Variants in PPP5C observed in about 807,000 individuals in gnomAD.
The protein encoded by PPP5C is protein phosphatase 5 catalytic subunit.
PPP5C carries 21 observed loss-of-function variants against 66.7 expected under a neutral mutation model. The observed-to-expected ratio is 0.31, with a 90% confidence interval of 0.22 to 0.45. The LOEUF (loss-of-function observed/expected upper bound fraction) is 0.45, where lower values mean the gene tolerates loss of function less well. Among genes scored for constraint, PPP5C ranks in the 20% least tolerant of loss-of-function variants. The probability of loss-of-function intolerance (pLI) is 1.00; values close to 1 mark genes in which losing one functional copy is unlikely to be tolerated. For missense variants in PPP5C, 464 were observed against 675.9 expected, an observed-to-expected ratio of 0.69 and a Z score of 3.48; for synonymous variants, 246 against 257.4, an observed-to-expected ratio of 0.96 and a Z score of 0.43.
Position 46,390,652 on chromosome 19 carries a change from C to A in PPP5C, c.*306C>A. ...GGGGCCGAGTGGCTGCCCTGCCCCC[C>A]TCATTTGCATGGCTCCTCCCCCACT... On this transcript the variant is annotated 3_prime_UTR_variant, in exon 13 of 13. Coordinates refer to ENST00000012443, the MANE Select transcript of PPP5C (RefSeq NM_006247.4). 7.8e-7 allele frequency: 1 copy of A among 1,274,720 alleles called. No homozygotes were observed. Among genetic ancestry groups the A allele is most frequent in the East Asian group, 3.7e-5 (1 of 26,992 alleles). 79.0% of individuals were successfully genotyped at this position (1,274,720 alleles called of 1,614,324 possible).
At chr19:46,384,005 C>T in intron 6 of PPP5C, 127 bp downstream of exon 6, 1 of 800,842 alleles carries the variant, frequency 1.2e-6, no homozygotes, top group South Asian at 1.6e-5. Context: ...CCTGGCCATG[C>T]TGGGGCACCA....
At chr19:46,374,645 G>A (rs16980476) in intron 2 of PPP5C, among the ~76,000 whole-genome samples, 2,253 of 152,232 alleles carry the variant, frequency 0.015, 51 homozygotes, top group African/African-American at 0.05. Flanking sequence ...AAAGCTGAAC[G>A]CCCCATGCCT....
chr19:46,349,125 C>T (rs1031545763), intron 1 of PPP5C, among the ~76,000 whole-genome samples: 19 of 151,978 alleles, frequency 1.3e-4, no homozygotes, highest in African/African-American at 4.6e-4. Context: ...CATGGTGAAA[C>T]GACGTCTCTG....
chr19:46,362,546 AAAAGTTCATTTAT>A, intron 2 of PPP5C, among the ~76,000 whole-genome samples: 1 of 152,238 alleles, frequency 6.6e-6, no homozygotes, highest in East Asian at 1.9e-4. Flanking sequence ...AATTATTATT[AAAAGTTCATTTAT>A]AAAGTTGATT....
chr19:46,351,066 G>A (rs1339539476), intron 1 of PPP5C, among the ~76,000 whole-genome samples: 4 of 152,156 alleles, frequency 2.6e-5, no homozygotes, highest in Admixed American at 1.3e-4. Context: ...TCAGTGCCCC[G>A]CTTCTGTAAA....
At chr19:46,371,387 G>T (rs1443202729) in intron 2 of PPP5C, among the ~76,000 whole-genome samples, 2 of 152,298 alleles carry the variant, frequency 1.3e-5, no homozygotes, top group South Asian at 4.1e-4. Flanking sequence ...ATTTCATCCA[G>T]CGCTCGCCAG....
intron 11 of PPP5C, among the ~76,000 whole-genome samples, 164 bp from the exon 12 acceptor site, chr19:46,389,887 C>T (rs1294449478): frequency 6.6e-6 from 1 of 151,974 alleles, no homozygotes; most frequent in East Asian, 1.9e-4. Flanking sequence ...CCATTCTTTC[C>T]CCTGGATTCG....
In PPP5C at chr19:46,372,916, A is replaced by G. The variant is rs76738524; in HGVS notation, c.364-2688A>G. On this transcript the variant is annotated intron_variant, in intron 2 of 12. Coordinates refer to ENST00000012443, the MANE Select transcript of PPP5C (RefSeq NM_006247.4). ...TGACCTTCCTCAGGAGCAGGAGCCC[A>G]GCAGGGCATCTTCACTGTCCCAGCT... Among the ~76,000 whole-genome samples, 272 of 152,368 alleles carry G rather than the reference A, an allele frequency of 1.8e-3. 6 individuals are homozygous for G. In the East Asian group the frequency reaches 0.047, roughly 26 times the overall value.
intron 2 of PPP5C, among the ~76,000 whole-genome samples, chr19:46,369,503 G>C (rs1972547074): frequency 6.6e-6 from 1 of 151,880 alleles, no homozygotes; most frequent in South Asian, 2.1e-4. Context: ...GTGGTGGCAG[G>C]TGCCTGTAGT....
chr19:46,355,329 G>A (rs1271449526), intron 2 of PPP5C, among the ~76,000 whole-genome samples: 5 of 152,210 alleles, frequency 3.3e-5, no homozygotes, highest in South Asian at 2.1e-4. Context: ...CATCACACTC[G>A]GAGCTGCTTG....
rs140324003 is a variant in PPP5C, at chr19:46,386,099, G to A, written c.905-994G>A. On this transcript the variant is annotated intron_variant, in intron 7 of 12. Transcript: ENST00000012443. Reference sequence around the variant, plus strand: ...GGCTATGGCTGCCAGTGACGAAGACGGGAACATGTAGAGCAGGGTGTGGCC... The same window carrying A: ...GGCTATGGCTGCCAGTGACGAAGACAGGAACATGTAGAGCAGGGTGTGGCC... Among the ~76,000 whole-genome samples the A allele has an allele frequency of 1.3e-3, 205 of 152,322 alleles. 1 individual carries two copies. The highest frequency in any genetic ancestry group is 4.5e-3 in the African/African-American group (189 of 41,588).
In PPP5C at chr19:46,390,525, G is replaced by T; in HGVS notation, c.*179G>T. 6.9e-7 allele frequency: 1 copy of T among 1,448,020 alleles called. No homozygotes were observed. The highest frequency in any genetic ancestry group is 9.1e-7 in the Non-Finnish European group (1 of 1,099,020). The allele number at this position is 1,448,020 out of a possible 1,614,324, so 89.7% of individuals were successfully genotyped here. ...GGGGTAGGGGCAGAGTCAGGGGCTG[G>T]CCAGAGGGTCTGCTCCCTGGACAGA... is the stretch of plus-strand genomic sequence containing the variant. On this transcript the variant is annotated 3_prime_UTR_variant, in exon 13 of 13. Coordinates refer to ENST00000012443, the MANE Select transcript of PPP5C (RefSeq NM_006247.4).
intron 4 of PPP5C, chr19:46,382,823 T>C: frequency 9.7e-7 from 1 of 1,035,544 alleles, no homozygotes; most frequent in Non-Finnish European, 1.2e-6. Context: ...CCGGAAAATC[T>C]GGAAACATTG....
At chr19:46,387,264 G>A (rs779272542) in intron 8 of PPP5C, 29 bp downstream of exon 8, 3 of 1,613,878 alleles carry the variant, frequency 1.9e-6, no homozygotes, top group African/African-American at 2.7e-5. Context: ...CTGAGTGTGG[G>A]TTCCCCACCC....
At chr19:46,351,701 C>T (rs1203108843) in intron 1 of PPP5C, among the ~76,000 whole-genome samples, 2 of 152,202 alleles carry the variant, frequency 1.3e-5, no homozygotes, top group East Asian at 1.9e-4. Context: ...CAGGGAGGGT[C>T]GGTCAGATCT....
chr19:46,375,864 C>T (rs1972686130), intron 3 of PPP5C, 113 bp downstream of exon 3: 12 of 1,448,614 alleles, frequency 8.3e-6, no homozygotes, highest in Non-Finnish European at 1.1e-5. Context: ...TGTCCCCAGG[C>T]TGGTGTCTGT....
In PPP5C at chr19:46,390,769, G is replaced by A; in HGVS notation, c.*423G>A. The stretch of plus-strand genomic sequence containing the variant: ...CCTCCCCTCCTATAGCCCCATGGTG[G>A]GGCTAGGCTGGGGCTCACCCCCCTC... On this transcript the variant is annotated 3_prime_UTR_variant, in exon 13 of 13. Coordinates refer to ENST00000012443, the MANE Select transcript of PPP5C (RefSeq NM_006247.4). 8.8e-7 allele frequency: 1 copy of A among 1,131,018 alleles called. No individual in the cohort carries two copies. 70.1% of individuals were successfully genotyped at this position (1,131,018 alleles called of 1,614,324 possible).
chr19:46,382,910 G>T, intron 4 of PPP5C: 1 of 1,083,438 alleles, frequency 9.2e-7, no homozygotes, highest in Non-Finnish European at 1.1e-6. Flanking sequence ...ACATCTATTA[G>T]TATTTTAATT....
rs550485562 is a variant in PPP5C, at chr19:46,390,854, C to T, written c.*508C>T. Reference sequence around the variant, plus strand: ...AAATAAAGTCATTATCGGAAGTCAGCTTGTCTCTGGATGGTGGAGCCGAAG... The same window carrying T: ...AAATAAAGTCATTATCGGAAGTCAGTTTGTCTCTGGATGGTGGAGCCGAAG... On this transcript the variant is annotated 3_prime_UTR_variant, in exon 13 of 13. Coordinates refer to ENST00000012443, the MANE Select transcript of PPP5C (RefSeq NM_006247.4). 3.0e-5 allele frequency: 34 copies of T among 1,132,300 alleles called. No homozygotes were observed. In the African/African-American group the frequency reaches 4.7e-4, roughly 16 times the overall value. The allele number at this position is 1,132,300 out of a possible 1,614,324, so 70.1% of individuals were successfully genotyped here.
Sources: allele counts gnomAD v4.1 joint callset (sites outside exome capture counted in the v4.1 genomes callset), GRCh38; gene constraint gnomAD v4.1.1; transcripts MANE v1.5; gene names NCBI Gene and HGNC (gene_info 2026-07-23, HGNC 2026-07-21).